The following ANKRD24 variants were observed in gnomAD, a reference collection of about 807,000 sequenced individuals.
ANKRD24 encodes the protein ankyrin repeat domain 24.
Under a neutral mutation model 127.8 loss-of-function variants are expected in ANKRD24, and 109 were observed. The ratio of observed to expected loss-of-function variants is 0.85; its 90% CI spans 0.73 to 1.00. The LOEUF (loss-of-function observed/expected upper bound fraction) is 1.00, where lower values mean the gene tolerates loss of function less well. Among genes scored for constraint, ANKRD24 ranks in the 50% least tolerant of loss-of-function variants. ANKRD24 has a pLI of 0.00. For missense variants in ANKRD24, 1,648 were observed against 1,570.2 expected, an observed-to-expected ratio of 1.05 and a Z score of -0.84; for synonymous variants, 743 against 671.1, an observed-to-expected ratio of 1.11 and a Z score of -1.66.
chr19:4,186,379 G>A lies in ANKRD24; in HGVS notation c.-36-11G>A. 6.4e-7 allele frequency: 1 copy of A among 1,564,700 alleles called. No individual in the cohort carries two copies. Among genetic ancestry groups the A allele is most frequent in the Non-Finnish European group, 8.7e-7 (1 of 1,154,788 alleles). ...TGTCCCTCACCTTACCCCCACCCTT[G>A]CCCTCCTCAGGTGGCCTGTGGAGAG... On this transcript the variant is annotated splice_polypyrimidine_tract_variant and intron_variant, in intron 1 of 21. Coordinates refer to ENST00000318934, the MANE Select transcript of ANKRD24 (RefSeq NM_001393985.1).
At chr19:4,221,237 C>A (rs1970425355) in intron 19 of ANKRD24, among the ~76,000 whole-genome samples, 1 of 151,968 alleles carries the variant, frequency 6.6e-6, no homozygotes, top group Admixed American at 6.6e-5. Flanking sequence ...CCACCACACC[C>A]AGCTAATTTT....
rs958349428 is a variant in ANKRD24 at position 4,195,327 on chromosome 19, G to C, written c.37-4356G>C. Among the ~76,000 whole-genome samples, 1 of 151,944 alleles carries C rather than the reference G, an allele frequency of 6.6e-6. No homozygotes were observed. Among genetic ancestry groups the C allele is most frequent in the Non-Finnish European group, 1.5e-5 (1 of 68,008 alleles). The stretch of plus-strand genomic sequence containing the variant: ...CATCTCAGGTGATCTGCCTGCCTCA[G>C]CCTCCCAAAGTGCTGGGATGACAGG... On this transcript the variant is annotated intron_variant, in intron 2 of 21. Coordinates refer to ENST00000318934, the MANE Select transcript of ANKRD24 (RefSeq NM_001393985.1). The surrounding 1 kb of genome is among the most constrained non-coding windows in gnomAD (Gnocchi z 4.2).
At chr19:4,206,476 A>T (rs1969394377) in intron 7 of ANKRD24, among the ~76,000 whole-genome samples, 1 of 151,762 alleles carries the variant, frequency 6.6e-6, no homozygotes, top group South Asian at 2.1e-4. Context: ...TATAATATAA[A>T]ATAAAATAAA....
rs1970612968 is a variant in ANKRD24 at position 4,224,165 on chromosome 19, C to T, written c.3336C>T (p.Tyr1112=). The T allele has an allele frequency of 3.7e-6, 6 of 1,612,442 alleles. No individual in the cohort carries two copies. The highest frequency in any genetic ancestry group is 4.2e-6 in the Non-Finnish European group (5 of 1,179,562). The change falls in exon 21 of 22, where the codon TAC becomes TAT. Residue 1112 remains tyrosine, a synonymous_variant. Transcript: ENST00000318934. ...ACCACTCCAGCGTGGTGGCTTTGTA[C>T]AGAAGCCACCTCCTATATGCCATTC... ...ARDHSSVVAL[Y]RSHLLYAIQG... is the part of the protein sequence containing the mutation.
chr19:4,187,359 G>A (rs1968122815), intron 2 of ANKRD24, among the ~76,000 whole-genome samples: 1 of 152,020 alleles, frequency 6.6e-6, no homozygotes, highest in Non-Finnish European at 1.5e-5. Flanking sequence ...GTTGCAGTGA[G>A]CTGAGATTGT....
At chr19:4,186,333 C>T in intron 1 of ANKRD24, 57 bp from the exon 2 acceptor site, 1 of 1,544,848 alleles carries the variant, frequency 6.5e-7, no homozygotes, top group African/African-American at 1.4e-5. Flanking sequence ...GGCAACGGAC[C>T]CTGCCGCCCA....
In ANKRD24 at chr19:4,190,411, G is replaced by A. The variant is rs1003037751; in HGVS notation, c.36+3950G>A. On this transcript the variant is annotated intron_variant, in intron 2 of 21. Transcript: ENST00000318934. ...TGCACTCCAGCCTGGGCAACAGAGC[G>A]AGACTCCGTCTCGAAAAAAAAAAAA... Among the ~76,000 whole-genome samples, 5 of 147,110 alleles carry A rather than the reference G, an allele frequency of 3.4e-5. No individual in the cohort carries two copies. The Admixed American group carries it at 3.4e-4, about 10-fold the overall frequency.
chr19:4,191,818 G>A (rs912025457), intron 2 of ANKRD24, among the ~76,000 whole-genome samples: 2 of 138,606 alleles, frequency 1.4e-5, no homozygotes, highest in Non-Finnish European at 3.1e-5. Context: ...GTCTTGCTCT[G>A]TTGCCCAGGC....
intron 19 of ANKRD24, 110 bp from the exon 20 acceptor site, chr19:4,222,560 G>C (rs577970367): frequency 7.5e-6 from 10 of 1,331,284 alleles, no homozygotes; most frequent in Non-Finnish European, 9.8e-6. Flanking sequence ...CCCAGGGACG[G>C]GACCTTCCCT....
chr19:4,211,330 A>G (rs990933752), intron 13 of ANKRD24, among the ~76,000 whole-genome samples: 11 of 152,084 alleles, frequency 7.2e-5, no homozygotes, highest in African/African-American at 2.7e-4. Flanking sequence ...GGTCTGCCCC[A>G]TAAGAGGCAC....
At chr19:4,186,870 C>T (rs1968094755) in intron 2 of ANKRD24, among the ~76,000 whole-genome samples, 2 of 152,166 alleles carry the variant, frequency 1.3e-5, no homozygotes, top group Admixed American at 1.3e-4. Flanking sequence ...AGGCGCTGTT[C>T]CAGGCACAGG....
At position 4,195,081 on chromosome 19, in the gene ANKRD24, T is replaced by TTTG. The variant is rs1240167736; in HGVS notation, c.37-4599_37-4597dup. Among the ~76,000 whole-genome samples, 2 of 151,490 alleles carry TTTG rather than the reference T, an allele frequency of 1.3e-5. No homozygotes were observed. Among genetic ancestry groups the TTTG allele is most frequent in the Non-Finnish European group, 2.9e-5 (2 of 67,882 alleles). On this transcript the variant is annotated intron_variant, in intron 2 of 21. Coordinates refer to ENST00000318934, the MANE Select transcript of ANKRD24 (RefSeq NM_001393985.1). The surrounding 1 kb of genome is among the most constrained non-coding windows in gnomAD (Gnocchi z 4.2). ...AGGTTTTTGTTTGTTTGTTTGTTTG[T>TTTG]TTGTTTTTAGAGAGGGAGTCTCACT... is the stretch of plus-strand genomic sequence containing the variant.
rs1268380908 is a variant in ANKRD24, at chr19:4,195,231, C to G, written c.37-4452C>G. Among the ~76,000 whole-genome samples, 2 of 152,050 alleles carry G rather than the reference C, an allele frequency of 1.3e-5. No homozygotes were observed. Among genetic ancestry groups the G allele is most frequent in the Admixed American group, 6.6e-5 (1 of 15,248 alleles). On this transcript the variant is annotated intron_variant, in intron 2 of 21. Transcript: ENST00000318934. The surrounding 1 kb of genome is among the most constrained non-coding windows in gnomAD (Gnocchi z 4.2). ...GGGACTACAGGCGCCCACCACCACG[C>G]CCGGCTAATTTTTTGTATTTTTAGT...
intron 15 of ANKRD24, 31 bp downstream of exon 15, chr19:4,212,729 G>A: frequency 6.5e-7 from 1 of 1,541,520 alleles, no homozygotes; most frequent in Admixed American, 2.0e-5. Context: ...GGGCTGGGCT[G>A]GGGCTGGGTC....
intron 13 of ANKRD24, among the ~76,000 whole-genome samples, chr19:4,211,293 G>C (rs1969724103): frequency 6.6e-6 from 1 of 152,120 alleles, no homozygotes; most frequent in African/African-American, 2.4e-5. Context: ...ATATTCAAGT[G>C]AGTGTATGAA....
At chr19:4,196,798 G>A (rs965636955) in intron 2 of ANKRD24, among the ~76,000 whole-genome samples, 4 of 152,162 alleles carry the variant, frequency 2.6e-5, no homozygotes, top group Non-Finnish European at 4.4e-5. Flanking sequence ...GCTTGAAGGA[G>A]CATCTCCCCC....
chr19:4,212,470 G>T lies in ANKRD24; in HGVS notation c.1060-5G>T, dbSNP rs368081092. On this transcript the variant is annotated splice_region_variant and splice_polypyrimidine_tract_variant and intron_variant, in intron 13 of 21. Transcript: ENST00000318934. ...CCAAACCCCTGTCCCTGTTTCTCCC[G>T]TCAGTCCCCGGAGGCCAGCTCCCTG... The T allele has an allele frequency of 2.5e-6, 4 of 1,575,052 alleles. No individual in the cohort carries two copies. Among genetic ancestry groups the T allele is most frequent in the Non-Finnish European group, 3.4e-6 (4 of 1,162,548 alleles).
Position 4,215,980 on chromosome 19 carries a change from C to G in ANKRD24, c.1200C>G (p.Asn400Lys), listed in dbSNP as rs372806236. ...TGGACTCTGCTCCCTCCCCCCAGAA[C>G]GAGCGGGAGAATACTAGCTATGACG... ...SLQSRLSLLE[N>K]ERENTSYDVT... The change falls in exon 16 of 22, where the codon AAC (asparagine) becomes AAG (lysine). Residue 400 changes from asparagine (N) to lysine (K), a missense_variant and splice_region_variant. Transcript: ENST00000318934. The G allele has an allele frequency of 1.3e-5, 20 of 1,588,444 alleles. No homozygotes were observed. Among genetic ancestry groups the G allele is most frequent in the Middle Eastern group, 1.7e-4 (1 of 6,056 alleles).
chr19:4,196,332 T>C (rs1224712586), intron 2 of ANKRD24, among the ~76,000 whole-genome samples: 1 of 133,270 alleles, frequency 7.5e-6, no homozygotes, highest in Non-Finnish European at 1.7e-5. Context: ...CTGGAAGACC[T>C]CGGTTTTGTT....
Sources: allele counts gnomAD v4.1 joint callset (sites outside exome capture counted in the v4.1 genomes callset), GRCh38; gene constraint gnomAD v4.1.1; non-coding constraint Gnocchi (gnomAD v3.1); transcripts MANE v1.5; gene names NCBI Gene and HGNC (gene_info 2026-07-23, HGNC 2026-07-21).